Variants in RCAN3 observed in about 807,000 individuals in gnomAD.
RCAN3 encodes the protein regulator of calcineurin 3.
Under a neutral mutation model 21.9 loss-of-function variants are expected in RCAN3, and 19 were observed. That is an observed-to-expected ratio of 0.87 (90% CI 0.61 to 1.27). The LOEUF (loss-of-function observed/expected upper bound fraction) is 1.27. Among genes scored for constraint, RCAN3 ranks in the 50% most tolerant of loss-of-function variants. RCAN3 has a pLI of 0.00. For synonymous variants in RCAN3, 114 were observed against 112.3 expected (o/e 1.01, Z -0.09); for missense variants, 240 against 300.1 (o/e 0.80, Z 1.48).
At chr1:24,505,161 C>T (rs921485526) in intron 1 of RCAN3, among the ~76,000 whole-genome samples, 1 of 148,946 alleles carries the variant, frequency 6.7e-6, no homozygotes, top group Non-Finnish European at 1.5e-5. Flanking sequence ...TCGTGATAGC[C>T]GTTCAGAACT....
intron 1 of RCAN3, among the ~76,000 whole-genome samples, chr1:24,512,366 A>C (rs1647962076): frequency 6.6e-6 from 1 of 151,922 alleles, no homozygotes; most frequent in Admixed American, 6.6e-5. Context: ...AAAAAAATTA[A>C]GTACAGCTGA....
chr1:24,503,097 C>G lies in RCAN3; in HGVS notation c.-113C>G, dbSNP rs1647209568. On this transcript the variant is annotated 5_prime_UTR_variant, in exon 1 of 5. Transcript: ENST00000374395. The stretch of plus-strand genomic sequence containing the variant: ...GTCCGCTGCCCTCCCGGCTCCCGTC[C>G]TGCGGCGGCGGGGCGTGCAGGTGAG... 6.8e-6 allele frequency: 1 copy of G among 147,858 alleles called. No homozygotes were observed. The highest frequency in any genetic ancestry group is 2.1e-4 in the South Asian group (1 of 4,696). 9.2% of individuals were successfully genotyped at this position (147,858 alleles called of 1,614,324 possible).
At chr1:24,503,205 T>G (rs1248352437) in intron 1 of RCAN3, 55 bp downstream of exon 1, 4 of 45,072 alleles carry the variant, frequency 8.9e-5, no homozygotes, top group African/African-American at 1.1e-4. Context: ...GGGTGGTGCA[T>G]GAAAAGTTAA....
intron 2 of RCAN3, among the ~76,000 whole-genome samples, chr1:24,527,625 G>A (rs1444547410): frequency 6.6e-6 from 1 of 152,064 alleles, no homozygotes; most frequent in African/African-American, 2.4e-5. Flanking sequence ...ATGAGGGAGT[G>A]TATAATTTGC....
rs1406542543 is a variant in RCAN3 at position 24,536,557 on chromosome 1, G to A, written c.*1280G>A. The A allele has an allele frequency of 6.6e-6, 1 of 152,258 alleles. No homozygotes were observed. Among genetic ancestry groups the A allele is most frequent in the Admixed American group, 6.5e-5 (1 of 15,288 alleles). The allele number at this position is 152,258 out of a possible 1,614,324, so 9.4% of individuals were successfully genotyped here. On this transcript the variant is annotated 3_prime_UTR_variant, in exon 5 of 5. Coordinates refer to ENST00000374395, the MANE Select transcript of RCAN3 (RefSeq NM_013441.4). ...AAAGTCTCATAACTGAGAAGGCTCT[G>A]TTTTGGGCCGGGTGGGTCTGCTGGC... is the stretch of plus-strand genomic sequence containing the variant.
intron 2 of RCAN3, among the ~76,000 whole-genome samples, chr1:24,528,901 T>C (rs1649505195): frequency 6.6e-6 from 1 of 152,192 alleles, no homozygotes; most frequent in African/African-American, 2.4e-5. Flanking sequence ...ACACTCTTTG[T>C]AAGCACATGT....
At chr1:24,529,563 T>G (rs1162348350) in intron 2 of RCAN3, among the ~76,000 whole-genome samples, 5 of 140,732 alleles carry the variant, frequency 3.6e-5, no homozygotes, top group Admixed American at 6.9e-5. Flanking sequence ...TTTTTTTTTT[T>G]TTTTTAGGAC....
intron 2 of RCAN3, among the ~76,000 whole-genome samples, chr1:24,524,885 A>G (rs967307258): frequency 1.3e-4 from 18 of 140,350 alleles, no homozygotes; most frequent in Admixed American, 7.0e-4. Context: ...GCTGGAGTGC[A>G]GTGGCACAAT....
At position 24,540,325 on chromosome 1, in the gene RCAN3, G is replaced by A. The variant is rs1021424211; in HGVS notation, c.*5048G>A. The A allele has an allele frequency of 8.5e-5, 13 of 152,360 alleles. No homozygotes were observed. The highest frequency in any genetic ancestry group is 2.7e-4 in the African/African-American group (11 of 41,412). 9.4% of individuals were successfully genotyped at this position (152,360 alleles called of 1,614,324 possible). ...AGCGTAAAGATCTTTCACTAAATTC[G>A]TTATGTGGTCTGTCTGGATGTAAAC... is the stretch of plus-strand genomic sequence containing the variant. On this transcript the variant is annotated 3_prime_UTR_variant, in exon 5 of 5. Transcript: ENST00000374395.
intron 2 of RCAN3, among the ~76,000 whole-genome samples, chr1:24,530,356 C>CAAAAAAAAAAAAAAAAAAAAAAAA (rs56914359): frequency 6.1e-5 from 5 of 81,498 alleles, no homozygotes; most frequent in African/African-American, 2.0e-4. Flanking sequence ...CTCTTATCTC[C>CAAAAAAAAAAAAAAAAAAAAAAAA]AAAAAAAAAA....
chr1:24,511,237 C>T (rs368304129), intron 1 of RCAN3, among the ~76,000 whole-genome samples: 4 of 152,076 alleles, frequency 2.6e-5, no homozygotes, highest in African/African-American at 9.7e-5. Context: ...CGCTTGAACC[C>T]GGGAGGCGGA....
At position 24,535,410 on chromosome 1, in the gene RCAN3, C is replaced by A; in HGVS notation, c.*133C>A. 1 of 927,456 alleles carries A rather than the reference C, an allele frequency of 1.1e-6. No homozygotes were observed. Among genetic ancestry groups the A allele is most frequent in the Non-Finnish European group, 1.5e-6 (1 of 667,084 alleles). The allele number at this position is 927,456 out of a possible 1,614,324, so 57.5% of individuals were successfully genotyped here. On this transcript the variant is annotated 3_prime_UTR_variant, in exon 5 of 5. Coordinates refer to ENST00000374395, the MANE Select transcript of RCAN3 (RefSeq NM_013441.4). The stretch of plus-strand genomic sequence containing the variant: ...GTGAGGTATAGGTCTTCTCACCACG[C>A]CTGTACTGCAGACACGGTCGTGTAG...
At chr1:24,528,268 G>A (rs7541910) in intron 2 of RCAN3, among the ~76,000 whole-genome samples, 95 of 122,064 alleles carry the variant, frequency 7.8e-4, no homozygotes, top group Middle Eastern at 3.9e-3. Context: ...AAAAAAAAAA[G>A]AAAAAAAGAA....
intron 1 of RCAN3, among the ~76,000 whole-genome samples, chr1:24,513,013 G>A (rs540683994): frequency 5.3e-5 from 8 of 152,056 alleles, no homozygotes; most frequent in South Asian, 2.1e-4. Flanking sequence ...CGAGTTGGGC[G>A]GATCACCAGG....
chr1:24,516,397 G>T (rs544886297), intron 2 of RCAN3, among the ~76,000 whole-genome samples: 1 of 152,180 alleles, frequency 6.6e-6, no homozygotes, highest in Admixed American at 6.6e-5. Context: ...CAGGGAGGTG[G>T]CATTGGAGAA....
chr1:24,505,514 C>G (rs1270005832), intron 1 of RCAN3, among the ~76,000 whole-genome samples: 1 of 152,120 alleles, frequency 6.6e-6, no homozygotes, highest in Non-Finnish European at 1.5e-5. Flanking sequence ...TGAGCCACCA[C>G]ACCAGTCCAA....
chr1:24,520,739 G>A (rs1490951270), intron 2 of RCAN3, among the ~76,000 whole-genome samples: 2 of 151,378 alleles, frequency 1.3e-5, no homozygotes, highest in Non-Finnish European at 2.9e-5. Context: ...GCTAAATGAC[G>A]AGTTAATGGG....
In RCAN3 at chr1:24,533,112, G is replaced by C; in HGVS notation, c.399G>C (p.Lys133Asn). The C allele has an allele frequency of 6.5e-7, 1 of 1,549,630 alleles. No homozygotes were observed. Among genetic ancestry groups the C allele is most frequent in the Non-Finnish European group, 8.7e-7 (1 of 1,150,684 alleles). ...QVQMSGEVRD[K>N]SYLLPPQPVK... ...AGATGTCCGGCGAAGTGCGGGACAA[G>C]TCCTATCTCCTGCCGCCCCAGCCTG... is the stretch of plus-strand genomic sequence containing the variant. Residue 133 changes from lysine (K) to asparagine (N), a missense_variant, in exon 4 of 5, where the codon AAG becomes AAC. Coordinates refer to ENST00000374395, the MANE Select transcript of RCAN3 (RefSeq NM_013441.4).
chr1:24,514,203 G>A (rs1271193563), intron 1 of RCAN3, 111 bp from the exon 2 acceptor site: 1 of 487,090 alleles, frequency 2.1e-6, no homozygotes, highest in Non-Finnish European at 3.6e-6. Flanking sequence ...TTGATTCATC[G>A]TTCTAAATAA....
Sources: allele counts gnomAD v4.1 joint callset (sites outside exome capture counted in the v4.1 genomes callset), GRCh38; gene constraint gnomAD v4.1.1; transcripts MANE v1.5; gene names NCBI Gene and HGNC (gene_info 2026-07-23, HGNC 2026-07-21).